Variants in ANXA2 observed in about 807,000 individuals in gnomAD.
ANXA2 encodes annexin II.
A neutral mutation model predicts 47.3 loss-of-function variants in ANXA2; 28 were observed. That is an observed-to-expected ratio of 0.59 (90% confidence interval 0.44 to 0.81). The LOEUF (loss-of-function observed/expected upper bound fraction) is 0.81, where lower values mean the gene tolerates loss of function less well. ANXA2 is among the 40% of genes least tolerant of loss of function. ANXA2 has a pLI of 0.00. For synonymous variants in ANXA2, 172 were observed against 155.5 expected, an observed-to-expected ratio of 1.11 and a Z score of -0.79; for missense variants, 384 against 414.3, an observed-to-expected ratio of 0.93 and a Z score of 0.64.
intron 3 of ANXA2, among the ~76,000 whole-genome samples, chr15:60,371,622 G>A (rs1171764603): frequency 6.6e-6 from 1 of 152,210 alleles, no homozygotes; most frequent in African/African-American, 2.4e-5. Flanking sequence ...TTTGATGAAG[G>A]TCTCGGGAGA....
At chr15:60,376,313 C>A (rs762947284) in intron 3 of ANXA2, among the ~76,000 whole-genome samples, 1 of 151,414 alleles carries the variant, frequency 6.6e-6, no homozygotes, top group Non-Finnish European at 1.5e-5. Flanking sequence ...ACCCGGGAGG[C>A]GAGGTTGCAG....
intron 3 of ANXA2, among the ~76,000 whole-genome samples, chr15:60,365,431 A>G (rs2062581990): frequency 6.6e-6 from 1 of 152,220 alleles, no homozygotes; most frequent in Non-Finnish European, 1.5e-5. Flanking sequence ...AACTTTGTTT[A>G]ATGAAAGAAA....
Position 60,382,703 on chromosome 15 carries a change from A to G in ANXA2, c.49-262T>C, listed in dbSNP as rs534698142. The G allele has an allele frequency of 1.6e-4, 48 of 295,938 alleles. No homozygotes were observed. The East Asian group carries it at 2.7e-3, about 16-fold the overall frequency. The allele number at this position is 295,938 out of a possible 1,614,324, so 18.3% of individuals were successfully genotyped here. A position where few individuals can be genotyped will look rare whatever the true frequency, so the allele number is the denominator to read the frequency against. ...TCATCTTACTTTTAGTGAGAGATCA[A>G]AAGTAGACAATGCAAAGCTGGAGAC... On this transcript the variant is annotated intron_variant, in intron 2 of 12. Transcript: ENST00000451270.
chr15:60,382,596 C>T, intron 2 of ANXA2, 155 bp from the exon 3 acceptor site: 1 of 492,756 alleles, frequency 2.0e-6, no homozygotes, highest in South Asian at 3.1e-5. Context: ...CATCACACTT[C>T]ACGCAAGCAA....
At chr15:60,391,200 C>G (rs1347241058) in intron 1 of ANXA2, 3 of 152,264 alleles carry the variant, frequency 2.0e-5, no homozygotes, top group Non-Finnish European at 4.4e-5. Context: ...AGGGCCAAAA[C>G]CCAGATCCCC....
chr15:60,355,702 T>C lies in ANXA2; in HGVS notation c.528+217A>G, dbSNP rs2062418208. On this transcript the variant is annotated intron_variant, in intron 7 of 12. Transcript: ENST00000451270. ...GAGAGCCGCCCATCCCTTCTCTGGC[T>C]CCCAAAGTCCACTTGTCCATGAGGT... 7 of 607,256 alleles carry C rather than the reference T, an allele frequency of 1.2e-5. No homozygotes were observed. In the South Asian group the frequency reaches 1.3e-4, roughly 11 times the overall value. 37.6% of individuals were successfully genotyped at this position (607,256 alleles called of 1,614,324 possible).
At chr15:60,371,047 A>T (rs2062703480) in intron 3 of ANXA2, among the ~76,000 whole-genome samples, 1 of 152,172 alleles carries the variant, frequency 6.6e-6, no homozygotes, top group African/African-American at 2.4e-5. Flanking sequence ...TTTTTTCAAA[A>T]CTAACAGAAG....
chr15:60,364,301 A>C (rs940622651), intron 4 of ANXA2, 128 bp downstream of exon 4: 1 of 746,982 alleles, frequency 1.3e-6, no homozygotes, highest in Non-Finnish European at 2.3e-6. Flanking sequence ...TAAGAAGAAA[A>C]TCTTAGATAT....
At chr15:60,381,508 A>G (rs2062858442) in intron 3 of ANXA2, among the ~76,000 whole-genome samples, 2 of 152,204 alleles carry the variant, frequency 1.3e-5, no homozygotes, top group African/African-American at 4.8e-5. Flanking sequence ...TTGTAGACCC[A>G]GAAAACAATA....
At chr15:60,372,796 T>G (rs1465672471) in intron 3 of ANXA2, among the ~76,000 whole-genome samples, 1 of 150,584 alleles carries the variant, frequency 6.6e-6, no homozygotes, top group Non-Finnish European at 1.5e-5. Context: ...TGGGCCCAAA[T>G]GATCCTCCTG....
chr15:60,351,813 T>C lies in ANXA2; in HGVS notation c.689A>G (p.Asp230Gly), dbSNP rs145435452. The C allele has an allele frequency of 1.2e-6, 2 of 1,609,614 alleles. No homozygotes were observed. The highest frequency in any genetic ancestry group is 1.3e-5 in the African/African-American group (1 of 74,928). Reference sequence around the variant, plus strand: ...ATAAGGGCTGTAACTCTTGTACCTATCAAATACTGAGGAAAAACAACAAAG... The same window carrying C: ...ATAAGGGCTGTAACTCTTGTACCTACCAAATACTGAGGAAAAACAACAAAG... Reference protein sequence around the residue: ...RSVPHLQKVFDRYKSYSPYDM... With the variant: ...RSVPHLQKVFGRYKSYSPYDM... Residue 230 changes from aspartate to glycine, a missense_variant, in exon 10 of 13, where the codon GAT becomes GGT. Transcript: ENST00000451270.
chr15:60,351,648 G>C, intron 10 of ANXA2, 76 bp downstream of exon 10: 1 of 936,822 alleles, frequency 1.1e-6, no homozygotes, highest in Non-Finnish European at 1.8e-6. Flanking sequence ...AACACATTTG[G>C]ATTAACAGGA....
At chr15:60,391,115 C>G (rs1179699093) in intron 1 of ANXA2, 1 of 152,302 alleles carries the variant, frequency 6.6e-6, no homozygotes, top group Non-Finnish European at 1.5e-5. Context: ...GACCTTTGAG[C>G]TCTCTTCCCT....
intron 3 of ANXA2, among the ~76,000 whole-genome samples, chr15:60,367,266 T>G (rs1214165066): frequency 1.1e-4 from 8 of 73,102 alleles, no homozygotes; most frequent in African/African-American, 1.6e-4. Flanking sequence ...GGGAGGGAGG[T>G]GGGGGGATCA....
At chr15:60,348,743 C>CT (rs1333254966) in intron 12 of ANXA2, among the ~76,000 whole-genome samples, 3 of 108,758 alleles carry the variant, frequency 2.8e-5, no homozygotes, top group Non-Finnish European at 5.7e-5. Flanking sequence ...AAGACTCCGT[C>CT]TCAAAAAAAA....
intron 11 of ANXA2, among the ~76,000 whole-genome samples, chr15:60,349,790 A>C (rs917719853): frequency 7.0e-6 from 1 of 142,116 alleles, no homozygotes; most frequent in African/African-American, 2.6e-5. Context: ...AGGAGAGAGA[A>C]AGAGAGAAGA....
At chr15:60,366,805 G>T (rs1357943348) in intron 3 of ANXA2, among the ~76,000 whole-genome samples, 1 of 73,014 alleles carries the variant, frequency 1.4e-5, no homozygotes, top group African/African-American at 5.3e-5. Context: ...AGGGAGGCGG[G>T]GGGGGGGGGG....
At chr15:60,374,158 G>A (rs1041216718) in intron 3 of ANXA2, among the ~76,000 whole-genome samples, 1 of 152,184 alleles carries the variant, frequency 6.6e-6, no homozygotes, top group East Asian at 1.9e-4. Flanking sequence ...CTTCAGCTGA[G>A]TTCCTTAGAA....
chr15:60,389,345 C>T (rs906212405), intron 1 of ANXA2, among the ~76,000 whole-genome samples: 4 of 152,106 alleles, frequency 2.6e-5, no homozygotes, highest in Non-Finnish European at 4.4e-5. Context: ...ACATTGGTTC[C>T]GATGTTTAGA....
Sources: gnomAD v4.1 joint callset for allele counts (sites outside exome capture counted in the v4.1 genomes callset) on GRCh38, gnomAD v4.1.1 for gene constraint, MANE v1.5 for transcripts, NCBI Gene and HGNC (gene_info 2026-07-23, HGNC 2026-07-21) for gene names.